CCDC178: variants seen among roughly 807,000 people sequenced by gnomAD.
CCDC178 encodes coiled-coil domain-containing protein 178.
Under a neutral mutation model 117.4 loss-of-function variants are expected in CCDC178, and 126 were observed. The observed-to-expected ratio is 1.07, with a 90% CI of 0.93 to 1.24. The LOEUF (loss-of-function observed/expected upper bound fraction) is 1.24. Among genes scored for constraint, CCDC178 ranks in the 50% most tolerant of loss-of-function variants. CCDC178 has a pLI of 0.00. For synonymous variants in CCDC178, 283 were observed against 313.4 expected, an observed-to-expected ratio of 0.90 and a Z score of 1.02; for missense variants, 1,030 against 986.9, an observed-to-expected ratio of 1.04 and a Z score of -0.59.
chr18:33,346,117 C>T (rs970352250), intron 9 of CCDC178, 94 bp downstream of exon 9: 42 of 926,086 alleles, frequency 4.5e-5, no homozygotes, highest in Non-Finnish European at 6.3e-5. Context: ...TGAGCCATGG[C>T]ACTAAGACAA....
chr18:33,114,838 A>G (rs2057831930), intron 20 of CCDC178, among the ~76,000 whole-genome samples: 1 of 152,112 alleles, frequency 6.6e-6, no homozygotes, highest in Non-Finnish European at 1.5e-5. Context: ...AGAGAAAATT[A>G]ATCTGTTCCA....
chr18:33,196,604 T>G (rs2058933110), intron 20 of CCDC178, among the ~76,000 whole-genome samples: 1 of 152,114 alleles, frequency 6.6e-6, no homozygotes, highest in Admixed American at 6.5e-5. Flanking sequence ...TCTCTGGCTG[T>G]GCAGTTTTTT....
At chr18:33,400,180 T>C (rs2063692427) in intron 3 of CCDC178, among the ~76,000 whole-genome samples, 1 of 151,142 alleles carries the variant, frequency 6.6e-6, no homozygotes, top group Non-Finnish European at 1.5e-5. Flanking sequence ...AGATGTACTG[T>C]CATTTAGCCT....
At chr18:33,117,894 A>G (rs1382773252) in intron 20 of CCDC178, among the ~76,000 whole-genome samples, 1 of 151,990 alleles carries the variant, frequency 6.6e-6, no homozygotes, top group African/African-American at 2.4e-5. Context: ...ATTGACATTT[A>G]TCACAAGACA....
intron 15 of CCDC178, among the ~76,000 whole-genome samples, chr18:33,227,577 T>TACACAC (rs1272675394): frequency 7.2e-6 from 1 of 138,614 alleles, no homozygotes; most frequent in African/African-American, 2.6e-5. Flanking sequence ...TATATATATA[T>TACACAC]ATACACACAC....
rs1263483570 is a variant in CCDC178 at position 32,974,561 on chromosome 18, T to C, written c.2509A>G (p.Ile837Val). ...CAATCACCTACCTGCACAGCTAATA[T>C]TTTCTGAATACTCTCCTGAGAGTCT... is the stretch of plus-strand genomic sequence containing the variant. ...QTDSQESIQK[I>V]LAVQEESSNL... Residue 837 changes from isoleucine to valine, a missense_variant, in exon 22 of 23, where the codon ATA (isoleucine) becomes GTA (valine). By Grantham distance (29) the Ile-to-Val change is conservative (BLOSUM62 3). Coordinates refer to ENST00000383096, the MANE Select transcript of CCDC178 (RefSeq NM_001105528.4). 6.2e-7 allele frequency: 1 copy of C among 1,613,582 alleles called. No homozygotes were observed. Among genetic ancestry groups the C allele is most frequent in the Middle Eastern group, 1.7e-4 (1 of 6,058 alleles).
chr18:33,040,411 TA>T (rs759341869), intron 21 of CCDC178, among the ~76,000 whole-genome samples: 33 of 152,038 alleles, frequency 2.2e-4, no homozygotes, highest in Non-Finnish European at 3.4e-4. Flanking sequence ...CTCTGACTAT[TA>T]AAAACCAAAT....
intron 12 of CCDC178, among the ~76,000 whole-genome samples, chr18:33,291,538 TTAACTC>T (rs2060165848): frequency 1.3e-5 from 2 of 152,160 alleles, no homozygotes; most frequent in Non-Finnish European, 2.9e-5. Flanking sequence ...AAGAATGTCT[TTAACTC>T]TAGGTAGGAA....
At chr18:33,331,959 C>T (rs2062675133) in intron 10 of CCDC178, among the ~76,000 whole-genome samples, 2 of 151,982 alleles carry the variant, frequency 1.3e-5, no homozygotes, top group South Asian at 4.1e-4. Context: ...AGTTTTGTTG[C>T]CAGATATTGG....
chr18:33,391,134 GA>G (rs1417799695), intron 4 of CCDC178, among the ~76,000 whole-genome samples: 3 of 149,796 alleles, frequency 2.0e-5, no homozygotes, highest in Non-Finnish European at 3.0e-5. Context: ...AAATAATACA[GA>G]AAAAAATTAT....
intron 11 of CCDC178, among the ~76,000 whole-genome samples, chr18:33,316,978 G>T (rs1599150882): frequency 6.6e-6 from 1 of 152,082 alleles, no homozygotes; most frequent in Non-Finnish European, 1.5e-5. Flanking sequence ...CTGTCAAAAC[G>T]GACCAATCAG....
chr18:33,439,254 A>G (rs1216249865), intron 2 of CCDC178, among the ~76,000 whole-genome samples: 1 of 152,206 alleles, frequency 6.6e-6, no homozygotes, highest in Non-Finnish European at 1.5e-5. Context: ...GTTCACTGCT[A>G]TGGAATATAG....
chr18:33,351,148 A>ATGTGTG (rs143702049), intron 7 of CCDC178, among the ~76,000 whole-genome samples: 10,470 of 137,912 alleles, frequency 0.076, 518 homozygotes, highest in African/African-American at 0.13. Flanking sequence ...ACTGATCATG[A>ATGTGTG]TGTGTGTGTG....
chr18:33,015,361 C>T (rs1195282162), intron 21 of CCDC178, among the ~76,000 whole-genome samples: 1 of 151,792 alleles, frequency 6.6e-6, no homozygotes, highest in African/African-American at 2.4e-5. Flanking sequence ...GTCAGGAGAC[C>T]GAGACCATCC....
intron 2 of CCDC178, among the ~76,000 whole-genome samples, chr18:33,415,027 C>T (rs1463196575): frequency 3.3e-5 from 5 of 152,068 alleles, no homozygotes; most frequent in African/African-American, 1.2e-4. Flanking sequence ...GTTAGAATGG[C>T]GATCATTAAA....
chr18:33,255,098 C>T lies in CCDC178; in HGVS notation c.1410-9670G>A, dbSNP rs545708308. On this transcript the variant is annotated intron_variant, in intron 14 of 22. Coordinates refer to ENST00000383096, the MANE Select transcript of CCDC178 (RefSeq NM_001105528.4). ...AGTGGGTTGTTATAAAACCAGGATG[C>T]CTCTCAAGTTTTGTGTCTTTGTACC... is the stretch of plus-strand genomic sequence containing the variant. Among the ~76,000 whole-genome samples the T allele has an allele frequency of 5.3e-5, 8 of 152,096 alleles. No individual in the cohort carries two copies. The South Asian group carries it at 1.7e-3, about 32-fold the overall frequency.
At chr18:33,096,830 G>C (rs1017539007) in intron 20 of CCDC178, among the ~76,000 whole-genome samples, 2 of 152,034 alleles carry the variant, frequency 1.3e-5, no homozygotes, top group Non-Finnish European at 2.9e-5. Context: ...ATTAGAAAAA[G>C]AGTAAAAGCT....
At chr18:33,042,367 G>C (rs1434710453) in intron 21 of CCDC178, among the ~76,000 whole-genome samples, 2 of 151,842 alleles carry the variant, frequency 1.3e-5, no homozygotes, top group African/African-American at 2.4e-5. Context: ...AGAAAGTACA[G>C]AGGGCAAAGA....
chr18:32,983,836 C>T, intron 21 of CCDC178, among the ~76,000 whole-genome samples: 1 of 151,974 alleles, frequency 6.6e-6, no homozygotes, highest in Non-Finnish European at 1.5e-5. Flanking sequence ...AAGTGCAGCT[C>T]ACAAGGCAAA....
Sources: allele counts gnomAD v4.1 joint callset (sites outside exome capture counted in the v4.1 genomes callset), GRCh38; gene constraint gnomAD v4.1.1; transcripts MANE v1.5; gene names NCBI Gene and HGNC (gene_info 2026-07-23, HGNC 2026-07-21).